The following MAK variants were observed in gnomAD, a reference collection of about 807,000 sequenced individuals.
MAK encodes male germ cell associated kinase.
Under a neutral mutation model 82.6 loss-of-function variants are expected in MAK, and 65 were observed. That is an observed-to-expected ratio of 0.79 (90% confidence interval 0.64 to 0.97). MAK has a LOEUF of 0.97. Among genes scored for constraint, MAK ranks in the 50% least tolerant of loss-of-function variants. The pLI is 0.00. For synonymous variants in MAK, 250 were observed against 274.2 expected, an observed-to-expected ratio of 0.91 and a Z score of 0.87; for missense variants, 703 against 780.2, an observed-to-expected ratio of 0.90 and a Z score of 1.18.
At chr6:10,830,506 C>G (rs1007329074) in intron 2 of MAK, 42 bp downstream of exon 2, 4 of 1,473,374 alleles carry the variant, frequency 2.7e-6, no homozygotes, top group Non-Finnish European at 3.8e-6. Flanking sequence ...AAATAAAGAG[C>G]AGAGTTTTCA....
intron 1 of MAK, among the ~76,000 whole-genome samples, chr6:10,831,709 A>G (rs922957802): frequency 1.3e-5 from 2 of 152,150 alleles, no homozygotes; most frequent in East Asian, 3.9e-4. Context: ...TCACACCACT[A>G]AACTCCATCC....
At chr6:10,819,988 T>A (rs1455718830) in intron 2 of MAK, among the ~76,000 whole-genome samples, 2 of 151,850 alleles carry the variant, frequency 1.3e-5, no homozygotes, top group Non-Finnish European at 2.9e-5. Context: ...GGCGGGCACC[T>A]GTAGTCCCAG....
At chr6:10,810,569 G>T (rs557749527) in intron 5 of MAK, among the ~76,000 whole-genome samples, 5 of 152,122 alleles carry the variant, frequency 3.3e-5, no homozygotes, top group African/African-American at 1.2e-4. Context: ...TCAAACTTCT[G>T]ACCTTGTGAT....
At chr6:10,771,896 A>T (rs139759715) in intron 13 of MAK, among the ~76,000 whole-genome samples, 1 of 152,354 alleles carries the variant, frequency 6.6e-6, no homozygotes, top group Non-Finnish European at 1.5e-5. Context: ...AATTCAAAGC[A>T]GTGATTGCAT....
chr6:10,807,276 C>T lies in MAK; in HGVS notation c.491+1534G>A, dbSNP rs181057337. 2.3e-3 allele frequency among the ~76,000 whole-genome samples: 342 copies of T among 151,394 alleles called. 2 individuals carry two copies. The highest frequency in any genetic ancestry group is 0.014 in the Admixed American group (211 of 15,200). The stretch of plus-strand genomic sequence containing the variant: ...CTCCCCATCTCCCCCAACTCCCTGC[C>T]CCCTTTCCTATTTTATTTTTCTTTA... On this transcript the variant is annotated intron_variant, in intron 6 of 14. Transcript: ENST00000354489.
At chr6:10,831,673 G>A (rs528538427) in intron 1 of MAK, among the ~76,000 whole-genome samples, 35 of 152,188 alleles carry the variant, frequency 2.3e-4, no homozygotes, top group African/African-American at 7.5e-4. Flanking sequence ...TTGAGCCCAG[G>A]AGTTCAAGGT....
At chr6:10,791,002 C>G (rs1191749216) in intron 10 of MAK, among the ~76,000 whole-genome samples, 1 of 152,182 alleles carries the variant, frequency 6.6e-6, no homozygotes, top group Non-Finnish European at 1.5e-5. Flanking sequence ...CCACCTTCTG[C>G]CATTATTCTA....
chr6:10,780,206 T>A (rs1241760381), intron 11 of MAK: 3 of 939,232 alleles, frequency 3.2e-6, no homozygotes, highest in South Asian at 4.9e-5. Flanking sequence ...GTTTACTTTT[T>A]AAATCTCAAT....
At chr6:10,780,678 C>T (rs1581661099) in intron 11 of MAK, among the ~76,000 whole-genome samples, 1 of 152,048 alleles carries the variant, frequency 6.6e-6, no homozygotes, top group East Asian at 1.9e-4. Context: ...TGGTCTCAAT[C>T]TCTTGATCTC....
intron 1 of MAK, among the ~76,000 whole-genome samples, chr6:10,834,087 T>G (rs1778997213): frequency 6.6e-6 from 1 of 152,212 alleles, no homozygotes; most frequent in Non-Finnish European, 1.5e-5. Flanking sequence ...TAAAATATAT[T>G]TCTTCTCATT....
chr6:10,781,439 T>G lies in MAK; in HGVS notation c.1465+2985A>C, dbSNP rs1042470562. ...AAAGTAGATTTTTTTTTTTTTTTTT[T>G]TTGAGACAGAGTCTCACTCTGTCAC... On this transcript the variant is annotated intron_variant, in intron 11 of 14. Coordinates refer to ENST00000354489, the MANE Select transcript of MAK (RefSeq NM_001242957.3). Among the ~76,000 whole-genome samples the G allele has an allele frequency of 7.2e-4, 109 of 151,216 alleles. No homozygotes were observed. The Middle Eastern group carries it at 0.01, about 14-fold the overall frequency.
At chr6:10,812,881 A>G (rs1777055617) in intron 5 of MAK, among the ~76,000 whole-genome samples, 1 of 150,614 alleles carries the variant, frequency 6.6e-6, no homozygotes, top group African/African-American at 2.4e-5. Context: ...CTCCTGCCTC[A>G]GACTCTCAAG....
intron 10 of MAK, among the ~76,000 whole-genome samples, chr6:10,786,163 T>A (rs186917949): frequency 2.6e-4 from 40 of 152,264 alleles, no homozygotes; most frequent in African/African-American, 7.2e-4. Flanking sequence ...GAGGATCACT[T>A]GAACCCGGGA....
At chr6:10,804,056 G>C (rs968587358) in intron 6 of MAK, among the ~76,000 whole-genome samples, 165 bp from the exon 7 acceptor site, 2 of 152,092 alleles carry the variant, frequency 1.3e-5, no homozygotes, top group African/African-American at 4.8e-5. Context: ...GGGATAATAG[G>C]ACACAACACA....
intron 2 of MAK, among the ~76,000 whole-genome samples, chr6:10,822,985 G>T (rs1778078554): frequency 6.6e-6 from 1 of 152,130 alleles, no homozygotes; most frequent in Non-Finnish European, 1.5e-5. Context: ...CTCTTATTTT[G>T]TTCAGTGTAG....
At chr6:10,832,332 A>C (rs952489879) in intron 1 of MAK, among the ~76,000 whole-genome samples, 3 of 152,284 alleles carry the variant, frequency 2.0e-5, no homozygotes, top group African/African-American at 7.2e-5. Flanking sequence ...GGATGTGAGA[A>C]GACTGACTTC....
intron 6 of MAK, among the ~76,000 whole-genome samples, chr6:10,806,733 T>C (rs889220072): frequency 6.6e-6 from 1 of 151,992 alleles, no homozygotes; most frequent in African/African-American, 2.4e-5. Context: ...CCTCAGGTGA[T>C]CCACCCGTCC....
At chr6:10,792,941 C>T (rs1775209353) in intron 9 of MAK, among the ~76,000 whole-genome samples, 1 of 152,090 alleles carries the variant, frequency 6.6e-6, no homozygotes, top group African/African-American at 2.4e-5. Flanking sequence ...TTTGAGCCTC[C>T]CTTCTGTTGA....
Position 10,762,969 on chromosome 6 carries a change from C to T in MAK, c.*1483G>A, listed in dbSNP as rs149535092. On this transcript the variant is annotated 3_prime_UTR_variant, in exon 15 of 15. Coordinates refer to ENST00000354489, the MANE Select transcript of MAK (RefSeq NM_001242957.3). The stretch of plus-strand genomic sequence containing the variant: ...AATGCCCACAAGATGACACTTATTA[C>T]AATAGCAGTTGTTACAAAGTCACAA... 1 of 152,624 alleles carries T rather than the reference C, an allele frequency of 6.6e-6. No individual in the cohort carries two copies. The allele number at this position is 152,624 out of a possible 1,614,324, so 9.5% of individuals were successfully genotyped here. A position where few individuals can be genotyped will look rare whatever the true frequency, so the allele number is the denominator to read the frequency against.
Sources: gnomAD v4.1 joint callset for allele counts (sites outside exome capture counted in the v4.1 genomes callset) on GRCh38, gnomAD v4.1.1 for gene constraint, MANE v1.5 for transcripts, NCBI Gene and HGNC (gene_info 2026-07-23, HGNC 2026-07-21) for gene names.